The following SLC49A4 variants were observed in gnomAD, a reference collection of about 807,000 sequenced individuals.
SLC49A4 encodes the protein solute carrier family 49 member 4.
A neutral mutation model predicts 50.6 loss-of-function variants in SLC49A4; 36 were observed. The observed-to-expected ratio is 0.71, with a 90% CI of 0.55 to 0.94. The LOEUF (loss-of-function observed/expected upper bound fraction) is 0.94. Among genes scored for constraint, SLC49A4 ranks in the 40% least tolerant of loss-of-function variants. The pLI is 0.00. For missense variants in SLC49A4, 503 were observed against 605.7 expected, an observed-to-expected ratio of 0.83 and a Z score of 1.78; for synonymous variants, 248 against 241.2, an observed-to-expected ratio of 1.03 and a Z score of -0.26.
At chr3:122,829,267 AG>A (rs1936578750) in intron 3 of SLC49A4, among the ~76,000 whole-genome samples, 2 of 152,240 alleles carry the variant, frequency 1.3e-5, no homozygotes, top group Admixed American at 1.3e-4. Context: ...CAGCAATGCA[AG>A]GTTGGTTTAA....
At chr3:122,798,634 CTTTTTTTTTTTTTTT>C (rs71136594) in intron 1 of SLC49A4, among the ~76,000 whole-genome samples, 2 of 62,826 alleles carry the variant, frequency 3.2e-5, no homozygotes, top group Non-Finnish European at 2.7e-5. Flanking sequence ...ACTAAAATAT[CTTTTTTTTTTTTTTT>C]TTTTTTTTTT....
At chr3:122,860,026 A>G (rs1479520403) in intron 6 of SLC49A4, 49 bp from the exon 7 acceptor site, 1 of 1,492,894 alleles carries the variant, frequency 6.7e-7, no homozygotes. Flanking sequence ...ATTTGCTTAA[A>G]TAGTATTTTT....
chr3:122,854,908 G>A (rs896406572), intron 5 of SLC49A4, among the ~76,000 whole-genome samples: 12 of 152,056 alleles, frequency 7.9e-5, no homozygotes, highest in South Asian at 2.1e-4. Context: ...TGGCTAACAC[G>A]GTGAAACCCA....
In SLC49A4 at chr3:122,795,120, A is replaced by ACTATT. The variant is rs1345443307; in HGVS notation, c.-70_-66dup. On this transcript the variant is annotated 5_prime_UTR_variant, in exon 1 of 9. Coordinates refer to ENST00000261038, the MANE Select transcript of SLC49A4 (RefSeq NM_032839.3). ...CAGCCTCCGCCTCCTGCTGCTCAGG[A>ACTATT]CTATTCTGCGCTGGGCTAGTCGGCG... The ACTATT allele has an allele frequency of 3.2e-6, 4 of 1,263,300 alleles. No homozygotes were observed. Among genetic ancestry groups the ACTATT allele is most frequent in the Non-Finnish European group, 4.0e-6 (4 of 1,009,876 alleles). 78.3% of individuals were successfully genotyped at this position (1,263,300 alleles called of 1,614,324 possible).
In SLC49A4 at chr3:122,815,940, A is replaced by C. The variant is rs76922033; in HGVS notation, c.437+8990A>C. Among the ~76,000 whole-genome samples, 22 of 152,290 alleles carry C rather than the reference A, an allele frequency of 1.4e-4. No individual in the cohort carries two copies. In the East Asian group the frequency reaches 2.7e-3, roughly 19 times the overall value. ...AGTATCTTGGCAATACGCTTCCCTC[A>C]AATGCTTAATAGTCTTTTGGTCTAT... On this transcript the variant is annotated intron_variant, in intron 2 of 8. Coordinates refer to ENST00000261038, the MANE Select transcript of SLC49A4 (RefSeq NM_032839.3).
At chr3:122,868,031 C>T (rs1274874764) in intron 7 of SLC49A4, among the ~76,000 whole-genome samples, 14 of 151,928 alleles carry the variant, frequency 9.2e-5, no homozygotes, top group South Asian at 2.1e-4. Context: ...AGGAGAATGG[C>T]GTGAACCCAG....
At chr3:122,825,853 G>T (rs1170507326) in intron 2 of SLC49A4, among the ~76,000 whole-genome samples, 2 of 152,094 alleles carry the variant, frequency 1.3e-5, no homozygotes, top group African/African-American at 4.8e-5. Flanking sequence ...ATGTGAATGT[G>T]TATATTGGGG....
intron 8 of SLC49A4, among the ~76,000 whole-genome samples, chr3:122,876,251 G>T (rs1937266237): frequency 1.3e-5 from 2 of 152,138 alleles, no homozygotes. Flanking sequence ...TTAATATTCT[G>T]AAGTTTGTGT....
At chr3:122,873,844 A>G (rs767829721) in intron 8 of SLC49A4, among the ~76,000 whole-genome samples, 1 of 152,220 alleles carries the variant, frequency 6.6e-6, no homozygotes, top group Non-Finnish European at 1.5e-5. Context: ...ATCAGCTTTA[A>G]TCCACTTCAG....
At chr3:122,819,243 C>CA (rs777101254) in intron 2 of SLC49A4, among the ~76,000 whole-genome samples, 59,133 of 100,522 alleles carry the variant, frequency 0.59, 16,359 homozygotes, top group Non-Finnish European at 0.67. Flanking sequence ...GACCCTGCCT[C>CA]AAAAAAAAAA....
chr3:122,845,708 G>GT, intron 4 of SLC49A4, 55 bp from the exon 5 acceptor site: 2 of 925,788 alleles, frequency 2.2e-6, no homozygotes, highest in Admixed American at 6.3e-5. Context: ...TCATGACTAA[G>GT]TTTATTCTAG....
chr3:122,812,753 C>T (rs1014982788), intron 2 of SLC49A4, among the ~76,000 whole-genome samples: 1 of 152,162 alleles, frequency 6.6e-6, no homozygotes, highest in African/African-American at 2.4e-5. Flanking sequence ...TCACACAATA[C>T]ATTTAATGTC....
chr3:122,801,668 T>C (rs1165276675), intron 1 of SLC49A4, among the ~76,000 whole-genome samples: 1 of 152,106 alleles, frequency 6.6e-6, no homozygotes, highest in Non-Finnish European at 1.5e-5. Flanking sequence ...ACCAAAAGCA[T>C]GGATGGCAGA....
chr3:122,856,295 C>T lies in SLC49A4; in HGVS notation c.943-12C>T. The T allele has an allele frequency of 6.2e-7, 1 of 1,613,342 alleles. No individual in the cohort carries two copies. Among genetic ancestry groups the T allele is most frequent in the Admixed American group, 1.7e-5 (1 of 59,906 alleles). On this transcript the variant is annotated splice_polypyrimidine_tract_variant and intron_variant, in intron 5 of 8. Transcript: ENST00000261038. Reference sequence around the variant, plus strand: ...TGTCTTGTATTAAATGTGTCTGCTTCTTTCTTAACAGGTAGATGCTGGCTG... The same window carrying T: ...TGTCTTGTATTAAATGTGTCTGCTTTTTTCTTAACAGGTAGATGCTGGCTG...
chr3:122,819,666 A>C (rs1936424090), intron 2 of SLC49A4, among the ~76,000 whole-genome samples: 1 of 152,116 alleles, frequency 6.6e-6, no homozygotes, highest in Non-Finnish European at 1.5e-5. Context: ...TTCCACCACC[A>C]CCTCTATTTC....
intron 4 of SLC49A4, among the ~76,000 whole-genome samples, chr3:122,835,541 C>T (rs1162156045): frequency 1.3e-5 from 2 of 151,808 alleles, no homozygotes; most frequent in Admixed American, 6.6e-5. Flanking sequence ...GCAGAAAAGG[C>T]ATTCAGTAGC....
Position 122,856,335 on chromosome 3 carries a change from C to T in SLC49A4, c.971C>T (p.Ser324Phe), listed in dbSNP as rs1936988987. ...GATGCTGGCTGGATTGGATTTTGGT[C>T]CATAGTTGGAGGCTGTGTTGTTGGA... Reference protein sequence around the residue: ...QVDAGWIGFWSIVGGCVVGIA... With the variant: ...QVDAGWIGFWFIVGGCVVGIA... The change falls in exon 6 of 9, where the codon TCC (serine) becomes TTC (phenylalanine). Residue 324 changes from serine (S) to phenylalanine (F), a missense_variant. Ser to Phe is a radical substitution (Grantham distance 155). Transcript: ENST00000261038. The T allele has an allele frequency of 6.2e-7, 1 of 1,613,536 alleles. No homozygotes were observed. Among genetic ancestry groups the T allele is most frequent in the South Asian group, 1.1e-5 (1 of 91,028 alleles).
chr3:122,838,716 A>G (rs1936727954), intron 4 of SLC49A4, among the ~76,000 whole-genome samples: 1 of 152,050 alleles, frequency 6.6e-6, no homozygotes, highest in Non-Finnish European at 1.5e-5. Flanking sequence ...TAATAATAAA[A>G]TAAAATAAAA....
chr3:122,817,227 A>G (rs1250766681), intron 2 of SLC49A4, among the ~76,000 whole-genome samples: 1 of 152,224 alleles, frequency 6.6e-6, no homozygotes, highest in Non-Finnish European at 1.5e-5. Context: ...TTGAGGAAGA[A>G]GAAGTCAGAG....
Sources: allele counts gnomAD v4.1 joint callset (sites outside exome capture counted in the v4.1 genomes callset), GRCh38; gene constraint gnomAD v4.1.1; transcripts MANE v1.5; gene names NCBI Gene and HGNC (gene_info 2026-07-23, HGNC 2026-07-21).